The following ADAM7 variants were observed in gnomAD, a reference collection of about 807,000 sequenced individuals.
ADAM7 encodes the protein ADAM metallopeptidase domain 7, also known as disintegrin and metalloproteinase domain-containing protein 7.
In ADAM7, 97 loss-of-function variants were observed where a neutral mutation model predicts 102.9. The ratio of observed to expected loss-of-function variants is 0.94; its 90% confidence interval spans 0.80 to 1.12. ADAM7 has a LOEUF of 1.12. Ranked by LOEUF, ADAM7 falls within the 50% of genes most tolerant of loss-of-function variation. The pLI is 0.00. For missense variants in ADAM7, 991 were observed against 908.7 expected (o/e 1.09, Z -1.16); for synonymous variants, 334 against 304.4 (o/e 1.10, Z -1.01).
intron 3 of ADAM7, among the ~76,000 whole-genome samples, chr8:24,453,056 C>T (rs1335623403): frequency 1.3e-5 from 2 of 151,232 alleles, no homozygotes; most frequent in African/African-American, 4.9e-5. Flanking sequence ...GAGGGTAACC[C>T]GACCTTTCTC....
intron 3 of ADAM7, among the ~76,000 whole-genome samples, chr8:24,448,876 C>G (rs1032648998): frequency 1.3e-5 from 2 of 152,024 alleles, no homozygotes; most frequent in African/African-American, 4.8e-5. Context: ...TTGTTCAATT[C>G]CCACCTGTGA....
intron 8 of ADAM7, among the ~76,000 whole-genome samples, chr8:24,480,773 A>C (rs1819922622): frequency 6.6e-6 from 1 of 152,014 alleles, no homozygotes; most frequent in Non-Finnish European, 1.5e-5. Flanking sequence ...TGGTGTGGTG[A>C]CTCATGCTTG....
At chr8:24,464,061 T>A (rs936022723) in intron 4 of ADAM7, 101 bp downstream of exon 4, 15 of 1,013,318 alleles carry the variant, frequency 1.5e-5, no homozygotes, top group Non-Finnish European at 1.9e-5. Flanking sequence ...CAGAAAGTAC[T>A]ACATCAGAAA....
Position 24,465,782 on chromosome 8 carries a change from C to T in ADAM7, c.389+7C>T. 6.3e-7 allele frequency: 1 copy of T among 1,578,742 alleles called. No homozygotes were observed. Among genetic ancestry groups the T allele is most frequent in the East Asian group, 2.3e-5 (1 of 44,204 alleles). On this transcript the variant is annotated splice_region_variant and intron_variant, in intron 5 of 21. Transcript: ENST00000175238. ...GTACGTGTAATGGTCTAAGGTAATGCAGAATATCTTTCTTTTTCCTTTATG... is the reference window on the plus strand; with the variant it reads ...GTACGTGTAATGGTCTAAGGTAATGTAGAATATCTTTCTTTTTCCTTTATG...
At chr8:24,451,245 C>T (rs1818776523) in intron 3 of ADAM7, among the ~76,000 whole-genome samples, 1 of 151,840 alleles carries the variant, frequency 6.6e-6, no homozygotes, top group Non-Finnish European at 1.5e-5. Context: ...CTCCTTGTAC[C>T]TCTGGTAGAA....
chr8:24,495,316 T>C (rs1359603233), intron 16 of ADAM7, among the ~76,000 whole-genome samples: 1 of 152,138 alleles, frequency 6.6e-6, no homozygotes, highest in Admixed American at 6.5e-5. Flanking sequence ...GTGACACATA[T>C]GTTGAATTAC....
At chr8:24,464,788 G>A (rs1189607160) in intron 4 of ADAM7, among the ~76,000 whole-genome samples, 2 of 131,602 alleles carry the variant, frequency 1.5e-5, no homozygotes, top group African/African-American at 2.8e-5. Context: ...TTTAGTAGAG[G>A]CGGGGTTTCA....
chr8:24,501,067 A>C (rs1203342406), intron 19 of ADAM7, among the ~76,000 whole-genome samples, 172 bp downstream of exon 19: 1 of 152,186 alleles, frequency 6.6e-6, no homozygotes, highest in Non-Finnish European at 1.5e-5. Flanking sequence ...AGATGCTAAT[A>C]TCAATGATTC....
chr8:24,501,605 T>C, intron 20 of ADAM7, 29 bp downstream of exon 20: 1 of 1,526,060 alleles, frequency 6.6e-7, no homozygotes, highest in South Asian at 1.2e-5. Context: ...CAACAGTTAA[T>C]TTATTGATTT....
chr8:24,441,323 T>C (rs1176003809), intron 1 of ADAM7, among the ~76,000 whole-genome samples, 163 bp downstream of exon 1: 4 of 152,236 alleles, frequency 2.6e-5, no homozygotes, highest in Non-Finnish European at 4.4e-5. Flanking sequence ...TGCATCTGTG[T>C]AATGCCATAT....
rs1198051642 is a variant in ADAM7 at position 24,508,653 on chromosome 8, TGTTTCAAAC to T, written c.*111_*119del. 3 of 1,583,678 alleles carry T rather than the reference TGTTTCAAAC, an allele frequency of 1.9e-6. No homozygotes were observed. The Admixed American group carries it at 5.3e-5, about 28-fold the overall frequency. ...TATCTGCTACTCACATTTTTGGTAG[TGTTTCAAAC>T]GTTCTTTATCCAGACAGACAATGTT... On this transcript the variant is annotated 3_prime_UTR_variant, in exon 22 of 22. Coordinates refer to ENST00000175238, the MANE Select transcript of ADAM7 (RefSeq NM_003817.4).
intron 3 of ADAM7, among the ~76,000 whole-genome samples, chr8:24,452,168 A>G (rs1254848190): frequency 2.0e-5 from 3 of 149,728 alleles, no homozygotes; most frequent in Non-Finnish European, 3.0e-5. Flanking sequence ...TGTTAGGTCC[A>G]CTTGGTGCAG....
chr8:24,493,297 T>G, intron 16 of ADAM7, 68 bp downstream of exon 16: 1 of 1,364,960 alleles, frequency 7.3e-7, no homozygotes, highest in South Asian at 1.7e-5. Flanking sequence ...TACTGGATAC[T>G]GTAATTGCTT....
chr8:24,448,984 A>C (rs1358139973), intron 3 of ADAM7, among the ~76,000 whole-genome samples: 1 of 152,130 alleles, frequency 6.6e-6, no homozygotes, highest in African/African-American at 2.4e-5. Flanking sequence ...ACATGAACTC[A>C]TCCTTTTTTA....
At chr8:24,482,354 T>C in intron 9 of ADAM7, 43 bp downstream of exon 9, 2 of 1,551,598 alleles carry the variant, frequency 1.3e-6, no homozygotes, top group Non-Finnish European at 1.7e-6. Context: ...TGGTGGATTA[T>C]TACAAAAGAA....
At chr8:24,490,917 T>C in intron 13 of ADAM7, 29 bp downstream of exon 13, 1 of 1,606,492 alleles carries the variant, frequency 6.2e-7, no homozygotes. Context: ...AGAAGGTTTT[T>C]TTTTTTCAGT....
At chr8:24,488,911 C>T (rs1820239194) in intron 11 of ADAM7, among the ~76,000 whole-genome samples, 1 of 152,034 alleles carries the variant, frequency 6.6e-6, no homozygotes, top group African/African-American at 2.4e-5. Flanking sequence ...CACAGACAAC[C>T]AGTCTGTAAG....
intron 7 of ADAM7, among the ~76,000 whole-genome samples, chr8:24,472,561 ATAAAAAATAGTAAAG>A (rs1819642619): frequency 6.6e-6 from 1 of 152,088 alleles, no homozygotes; most frequent in Non-Finnish European, 1.5e-5. Flanking sequence ...ATAACTGACC[ATAAAAAATAGTAAAG>A]TAAAATTTAT....
At chr8:24,467,089 C>A in intron 6 of ADAM7, 101 bp downstream of exon 6, 1 of 1,148,488 alleles carries the variant, frequency 8.7e-7, no homozygotes, top group Non-Finnish European at 1.2e-6. Context: ...AATATATGTG[C>A]TACTTTCAGT....
Sources: allele counts gnomAD v4.1 joint callset (sites outside exome capture counted in the v4.1 genomes callset), GRCh38; gene constraint gnomAD v4.1.1; transcripts MANE v1.5; gene names NCBI Gene and HGNC (gene_info 2026-07-23, HGNC 2026-07-21).